TMEM132C: variants seen among roughly 807,000 people sequenced by gnomAD.
TMEM132C encodes protein phosphatase 1, regulatory subunit 152.
A neutral mutation model predicts 61.4 loss-of-function variants in TMEM132C; 29 were observed. The observed-to-expected ratio is 0.47, with a 90% CI of 0.35 to 0.64. The LOEUF is 0.64. TMEM132C is among the 30% of genes least tolerant of loss of function. TMEM132C has a pLI of 0.00. For missense variants in TMEM132C, 1,408 were observed against 1,476.9 expected, an observed-to-expected ratio of 0.95 and a Z score of 0.76; for synonymous variants, 656 against 633.1, an observed-to-expected ratio of 1.04 and a Z score of -0.54.
intron 1 of TMEM132C, among the ~76,000 whole-genome samples, chr12:128,311,127 G>A (rs1285501943): frequency 1.3e-5 from 2 of 152,182 alleles, no homozygotes; most frequent in African/African-American, 4.8e-5. Flanking sequence ...TAAGCGTGTG[G>A]CTTGCCACAG....
chr12:128,317,327 A>G (rs936908111), intron 1 of TMEM132C, among the ~76,000 whole-genome samples: 4 of 152,320 alleles, frequency 2.6e-5, no homozygotes, highest in African/African-American at 9.6e-5. Context: ...TCAGCTGATA[A>G]CACGTTTATC....
chr12:128,515,889 G>A (rs919414854), intron 2 of TMEM132C, among the ~76,000 whole-genome samples: 6 of 152,054 alleles, frequency 3.9e-5, no homozygotes, highest in African/African-American at 1.2e-4. Flanking sequence ...ACAGCCCAAC[G>A]TGTGTGTTAT....
At chr12:128,353,279 C>A (rs1322978532) in intron 1 of TMEM132C, among the ~76,000 whole-genome samples, 1 of 152,184 alleles carries the variant, frequency 6.6e-6, no homozygotes, top group Admixed American at 6.5e-5. Flanking sequence ...TGAGCAAACA[C>A]CTGCTTCTCC....
chr12:128,341,160 C>T (rs905805790), intron 1 of TMEM132C, among the ~76,000 whole-genome samples: 1 of 152,042 alleles, frequency 6.6e-6, no homozygotes, highest in Non-Finnish European at 1.5e-5. Context: ...GGGCTGGTCT[C>T]GAACTCCTGA....
At chr12:128,378,444 T>G (rs1237797897) in intron 1 of TMEM132C, among the ~76,000 whole-genome samples, 1 of 152,112 alleles carries the variant, frequency 6.6e-6, no homozygotes, top group African/African-American at 2.4e-5. Flanking sequence ...AAAAATTAAG[T>G]ACCTCTATTC....
chr12:128,517,329 G>A (rs1872754838), intron 2 of TMEM132C, among the ~76,000 whole-genome samples: 1 of 151,872 alleles, frequency 6.6e-6, no homozygotes, highest in Non-Finnish European at 1.5e-5. Flanking sequence ...CAGCTACTCG[G>A]GAGGCTGAGG....
At chr12:128,315,546 G>A (rs1397903391) in intron 1 of TMEM132C, among the ~76,000 whole-genome samples, 1 of 152,006 alleles carries the variant, frequency 6.6e-6, no homozygotes, top group Non-Finnish European at 1.5e-5. Context: ...AAAAAAACTT[G>A]CATTTTCAGG....
At chr12:128,443,320 G>A (rs1869863096) in intron 2 of TMEM132C, among the ~76,000 whole-genome samples, 1 of 151,992 alleles carries the variant, frequency 6.6e-6, no homozygotes, top group Admixed American at 6.6e-5. Context: ...TGGGTACAGT[G>A]TACACTGCTC....
chr12:128,526,411 A>G (rs143529079), intron 2 of TMEM132C, among the ~76,000 whole-genome samples: 2 of 152,200 alleles, frequency 1.3e-5, no homozygotes, highest in African/African-American at 4.8e-5. Flanking sequence ...CTTAGTCTCT[A>G]TTATAAGGGC....
intron 2 of TMEM132C, among the ~76,000 whole-genome samples, chr12:128,432,320 A>G (rs1869419144): frequency 6.6e-6 from 1 of 152,252 alleles, no homozygotes; most frequent in Admixed American, 6.5e-5. Context: ...GACACTTTGT[A>G]TGGCTGTAGC....
At chr12:128,366,423 A>T (rs913176119) in intron 1 of TMEM132C, among the ~76,000 whole-genome samples, 1 of 152,212 alleles carries the variant, frequency 6.6e-6, no homozygotes. Context: ...TCACCAGAGC[A>T]TGCAGCCACC....
At chr12:128,527,046 C>A (rs140974358) in intron 2 of TMEM132C, among the ~76,000 whole-genome samples, 1 of 152,298 alleles carries the variant, frequency 6.6e-6, no homozygotes, top group African/African-American at 2.4e-5. Flanking sequence ...GACTCCCTGG[C>A]AAGCTAGGAA....
intron 2 of TMEM132C, among the ~76,000 whole-genome samples, chr12:128,470,498 G>T (rs1870912926): frequency 6.6e-6 from 1 of 152,128 alleles, no homozygotes; most frequent in Non-Finnish European, 1.5e-5. Context: ...TCCAACCATT[G>T]CTAATTTGGG....
intron 1 of TMEM132C, among the ~76,000 whole-genome samples, chr12:128,279,847 G>C (rs1401539700): frequency 6.6e-6 from 1 of 152,090 alleles, no homozygotes; most frequent in African/African-American, 2.4e-5. Context: ...TTATTTAACT[G>C]TCTTCCCATT....
intron 2 of TMEM132C, among the ~76,000 whole-genome samples, chr12:128,458,493 G>A (rs773131011): frequency 2.6e-5 from 4 of 151,934 alleles, no homozygotes; most frequent in South Asian, 4.2e-4. Context: ...TGCTGGGGAC[G>A]CAGGATTCCT....
chr12:128,619,640 C>A (rs972507004), intron 4 of TMEM132C, among the ~76,000 whole-genome samples: 1 of 152,234 alleles, frequency 6.6e-6, no homozygotes, highest in Admixed American at 6.5e-5. Context: ...CAGCACCCAC[C>A]TCTCCCTAAT....
At chr12:128,432,016 C>T (rs998424160) in intron 2 of TMEM132C, among the ~76,000 whole-genome samples, 1 of 152,140 alleles carries the variant, frequency 6.6e-6, no homozygotes, top group Middle Eastern at 3.2e-3. Context: ...ATAAATGGAA[C>T]CACAAAGCCT....
intron 1 of TMEM132C, among the ~76,000 whole-genome samples, chr12:128,346,833 A>G (rs1437182682): frequency 1.1e-4 from 16 of 152,228 alleles, no homozygotes; most frequent in Admixed American, 1.0e-3. Context: ...TCTGAATTCT[A>G]TTCTACTGAT....
chr12:128,368,156 A>G (rs1339847936), intron 1 of TMEM132C, among the ~76,000 whole-genome samples: 1 of 152,224 alleles, frequency 6.6e-6, no homozygotes, highest in African/African-American at 2.4e-5. Flanking sequence ...TGGCAAATGG[A>G]CATGGGGCAT....
Sources: gnomAD v4.1 joint callset for allele counts (sites outside exome capture counted in the v4.1 genomes callset) on GRCh38, gnomAD v4.1.1 for gene constraint, MANE v1.5 for transcripts, NCBI Gene and HGNC (gene_info 2026-07-23, HGNC 2026-07-21) for gene names.